FGF7: variants seen among roughly 807,000 people sequenced by gnomAD.
The protein encoded by FGF7 is fibroblast growth factor 7, also known as FGF-7.
Under a neutral mutation model 20.5 loss-of-function variants are expected in FGF7, and 6 were observed. The ratio of observed to expected loss-of-function variants is 0.29; its 90% confidence interval spans 0.16 to 0.58. The LOEUF is 0.58. Among genes scored for constraint, FGF7 ranks in the 20% least tolerant of loss-of-function variants. FGF7 has a pLI of 0.90. For missense variants in FGF7, 144 were observed against 228.8 expected, an observed-to-expected ratio of 0.63 and a Z score of 2.39; for synonymous variants, 64 against 74.7, an observed-to-expected ratio of 0.86 and a Z score of 0.74.
chr15:49,424,207 G>A lies in FGF7; in HGVS notation c.-91G>A, dbSNP rs916179005. The A allele has an allele frequency of 6.9e-6, 8 of 1,152,426 alleles. No individual in the cohort carries two copies. The highest frequency in any genetic ancestry group is 1.5e-5 in the African/African-American group (1 of 65,566). 71.4% of individuals were successfully genotyped at this position (1,152,426 alleles called of 1,614,324 possible). A position where few individuals can be genotyped will look rare whatever the true frequency, so the allele number is the denominator to read the frequency against. ...TTCTTAAATCAATCTACAATTCACA[G>A]ATAGGAAGAGGTCAATGACCTAGGA... is the stretch of plus-strand genomic sequence containing the variant. On this transcript the variant is annotated 5_prime_UTR_variant, in exon 2 of 4. Coordinates refer to ENST00000267843, the MANE Select transcript of FGF7 (RefSeq NM_002009.4).
Position 49,484,454 on chromosome 15 carries a change from A to G in FGF7, c.535A>G (p.Thr179Ala). 1.9e-6 allele frequency: 3 copies of G among 1,582,584 alleles called. No homozygotes were observed. Among genetic ancestry groups the G allele is most frequent in the Non-Finnish European group, 2.6e-6 (3 of 1,174,320 alleles). ...QKGIPVRGKKTKKEQKTAHFL... is the reference protein window; with the variant it reads ...QKGIPVRGKKAKKEQKTAHFL... ...GGGGATTCCTGTAAGAGGAAAAAAA[A>G]CGAAGAAAGAACAAAAAACAGCCCA... Residue 179 changes from threonine to alanine, a missense_variant, in exon 4 of 4, where the codon ACG (threonine) becomes GCG (alanine). Thr to Ala is a moderately conservative substitution (Grantham distance 58). This residue lies in a region of FGF7 where 56 missense variants were observed against 125.4 expected (regional missense o/e 0.45). Coordinates refer to ENST00000267843, the MANE Select transcript of FGF7 (RefSeq NM_002009.4).
intron 2 of FGF7, among the ~76,000 whole-genome samples, chr15:49,446,224 A>C (rs2052198972): frequency 6.6e-6 from 1 of 151,600 alleles, no homozygotes; most frequent in Admixed American, 6.6e-5. Flanking sequence ...AGAGCCACTC[A>C]TCTTAGAAAA....
At chr15:49,452,630 A>G (rs1167945808) in intron 2 of FGF7, among the ~76,000 whole-genome samples, 2 of 152,170 alleles carry the variant, frequency 1.3e-5, no homozygotes, top group African/African-American at 4.8e-5. Context: ...AAATATAATG[A>G]AGATACCTTA....
chr15:49,481,080 A>G (rs1029283607), intron 2 of FGF7, among the ~76,000 whole-genome samples: 8 of 152,208 alleles, frequency 5.3e-5, no homozygotes, highest in African/African-American at 1.9e-4. Context: ...TATATTAAAT[A>G]AAGGGAGGAA....
intron 2 of FGF7, among the ~76,000 whole-genome samples, chr15:49,453,732 G>T (rs1486989631): frequency 6.6e-6 from 1 of 151,760 alleles, no homozygotes; most frequent in Non-Finnish European, 1.5e-5. Context: ...TCCTTTTCTT[G>T]AGCTCTTGTT....
chr15:49,460,839 A>C (rs949435595), intron 2 of FGF7, among the ~76,000 whole-genome samples: 1 of 152,198 alleles, frequency 6.6e-6, no homozygotes, highest in East Asian at 1.9e-4. Flanking sequence ...ATATCAAAGA[A>C]GAACATTGTT....
chr15:49,468,144 A>G (rs150183935), intron 2 of FGF7, among the ~76,000 whole-genome samples: 362 of 152,286 alleles, frequency 2.4e-3, no homozygotes, highest in African/African-American at 8.2e-3. Flanking sequence ...AATGAATGAC[A>G]TAATTATTTT....
Position 49,435,534 on chromosome 15 carries a change from CCTT to C in FGF7, c.286+10955_286+10957del, listed in dbSNP as rs1386190685. Among the ~76,000 whole-genome samples, 6 of 151,584 alleles carry C rather than the reference CCTT, an allele frequency of 4.0e-5. No individual in the cohort carries two copies. In the East Asian group the frequency reaches 9.8e-4, roughly 25 times the overall value. On this transcript the variant is annotated intron_variant, in intron 2 of 3. Coordinates refer to ENST00000267843, the MANE Select transcript of FGF7 (RefSeq NM_002009.4). Reference sequence around the variant, plus strand: ...GTTTTTGCAAAATTAGGCTCACCTCCCTTCTTGTATAAATAATGTGTTATAAAA... The same window carrying C: ...GTTTTTGCAAAATTAGGCTCACCTCCCTTGTATAAATAATGTGTTATAAAA...
chr15:49,482,320 C>T (rs1488522834), intron 2 of FGF7, among the ~76,000 whole-genome samples: 3 of 152,006 alleles, frequency 2.0e-5, no homozygotes, highest in African/African-American at 7.2e-5. Context: ...AGTTACCATT[C>T]TTGTGTAAAC....
At chr15:49,480,768 C>T (rs1303970632) in intron 2 of FGF7, among the ~76,000 whole-genome samples, 3 of 152,116 alleles carry the variant, frequency 2.0e-5, no homozygotes, top group Non-Finnish European at 4.4e-5. Context: ...CAGGTGTGAG[C>T]TACCACATCC....
At chr15:49,458,978 A>G (rs1282559927) in intron 2 of FGF7, among the ~76,000 whole-genome samples, 1 of 152,198 alleles carries the variant, frequency 6.6e-6, no homozygotes, top group East Asian at 1.9e-4. Context: ...CCAGAACAAT[A>G]AAGCAATTCG....
intron 2 of FGF7, among the ~76,000 whole-genome samples, chr15:49,466,347 G>C (rs917974994): frequency 6.6e-6 from 1 of 152,152 alleles, no homozygotes; most frequent in Non-Finnish European, 1.5e-5. Context: ...CCAGGAACTG[G>C]TAGGCAGAGC....
chr15:49,446,162 G>A (rs2052188817), intron 2 of FGF7, among the ~76,000 whole-genome samples: 1 of 151,574 alleles, frequency 6.6e-6, no homozygotes, highest in East Asian at 1.9e-4. Flanking sequence ...TTTTCATTGA[G>A]GAAGGCTTCA....
In FGF7 at chr15:49,476,232, G is replaced by GTTTTTTTTTTTTTTTTTTTTTTTTTTTT; in HGVS notation, c.287-6906_287-6905insTTTTTTTTTTTTTTTTTTTTTTTTTTTT. ...TTGCTGTTTTGTTTTTTTGTTTTTG[G>GTTTTTTTTTTTTTTTTTTTTTTTTTTTT]TTTTTTTTTTTTTGCATTTGGCATA... On this transcript the variant is annotated intron_variant, in intron 2 of 3. Transcript: ENST00000267843. 2.1e-3 allele frequency among the ~76,000 whole-genome samples: 122 copies of GTTTTTTTTTTTTTTTTTTTTTTTTTTTT among 57,438 alleles called. 24 individuals are homozygous for GTTTTTTTTTTTTTTTTTTTTTTTTTTTT. Among genetic ancestry groups the GTTTTTTTTTTTTTTTTTTTTTTTTTTTT allele is most frequent in the Non-Finnish European group, 3.6e-3 (98 of 27,458 alleles). 37.7% of individuals were successfully genotyped at this position (57,438 alleles called of 152,430 possible).
rs936255662 is a variant in FGF7 at position 49,485,583 on chromosome 15, T to C, written c.*1079T>C. 1.3e-5 allele frequency: 2 copies of C among 152,486 alleles called. No homozygotes were observed. The highest frequency in any genetic ancestry group is 2.9e-5 in the Non-Finnish European group (2 of 67,984). 9.4% of individuals were successfully genotyped at this position (152,486 alleles called of 1,614,324 possible). On this transcript the variant is annotated 3_prime_UTR_variant, in exon 4 of 4. Coordinates refer to ENST00000267843, the MANE Select transcript of FGF7 (RefSeq NM_002009.4). Reference sequence around the variant, plus strand: ...TTTCCCTCCCTTTTCTGACTGACACTAAGTCTAGCACACAGCACTTGGGCC... The same window carrying C: ...TTTCCCTCCCTTTTCTGACTGACACCAAGTCTAGCACACAGCACTTGGGCC...
intron 2 of FGF7, among the ~76,000 whole-genome samples, chr15:49,455,045 G>A (rs971507696): frequency 3.3e-5 from 5 of 152,132 alleles, no homozygotes; most frequent in Admixed American, 6.6e-5. Flanking sequence ...AAGTGTAGTT[G>A]GGGGATCACC....
intron 2 of FGF7, among the ~76,000 whole-genome samples, chr15:49,433,831 A>T (rs2050840546): frequency 6.6e-6 from 1 of 151,732 alleles, no homozygotes. Context: ...CAAAAACTAT[A>T]AACAGAAAAA....
intron 2 of FGF7, among the ~76,000 whole-genome samples, chr15:49,457,120 G>A (rs1197555256): frequency 2.0e-5 from 3 of 151,960 alleles, no homozygotes; most frequent in African/African-American, 7.2e-5. Context: ...AGACGTTTGG[G>A]TTTCATTTCA....
At chr15:49,451,052 GTTTAA>G (rs1187096116) in intron 2 of FGF7, among the ~76,000 whole-genome samples, 1 of 151,936 alleles carries the variant, frequency 6.6e-6, no homozygotes, top group Non-Finnish European at 1.5e-5. Context: ...TTAAATGACA[GTTTAA>G]TTCAATCAAA....
Sources: gnomAD v4.1 joint callset for allele counts (sites outside exome capture counted in the v4.1 genomes callset) on GRCh38, gnomAD v4.1.1 for gene constraint, gnomAD v4.1.1 regional missense constraint, MANE v1.5 for transcripts, NCBI Gene and HGNC (gene_info 2026-07-23, HGNC 2026-07-21) for gene names.